The following GRIA4 variants were observed in gnomAD, a reference collection of about 807,000 sequenced individuals.
GRIA4 encodes the protein glutamate receptor 4.
In GRIA4, 34 loss-of-function variants were observed where a neutral mutation model predicts 104.0. That is an observed-to-expected ratio of 0.33 (90% CI 0.25 to 0.44). The LOEUF (loss-of-function observed/expected upper bound fraction) is 0.44, where lower values mean the gene tolerates loss of function less well. Among genes scored for constraint, GRIA4 ranks in the 20% least tolerant of loss-of-function variants. The pLI is 1.00. For synonymous variants in GRIA4, 386 were observed against 381.9 expected, an observed-to-expected ratio of 1.01 and a Z score of -0.13; for missense variants, 750 against 1,096.5, an observed-to-expected ratio of 0.68 and a Z score of 4.46.
chr11:105,646,199 G>C (rs1951522398), intron 3 of GRIA4, among the ~76,000 whole-genome samples: 1 of 152,164 alleles, frequency 6.6e-6, no homozygotes, highest in African/African-American at 2.4e-5. Flanking sequence ...TCTAAAAGTA[G>C]TACTAGAAAA....
intron 5 of GRIA4, among the ~76,000 whole-genome samples, chr11:105,876,742 C>CT (rs950068481): frequency 7.2e-5 from 11 of 151,918 alleles, no homozygotes; most frequent in South Asian, 2.1e-4. Context: ...GCAACCCCTG[C>CT]TTTTTTTTGC....
At chr11:105,645,762 T>C (rs1312746791) in intron 3 of GRIA4, among the ~76,000 whole-genome samples, 8 of 152,078 alleles carry the variant, frequency 5.3e-5, no homozygotes, top group Admixed American at 4.6e-4. Flanking sequence ...TAATGACAGA[T>C]AAGATATTAT....
intron 3 of GRIA4, among the ~76,000 whole-genome samples, chr11:105,685,348 A>G (rs1027406082): frequency 1.3e-5 from 2 of 152,214 alleles, no homozygotes; most frequent in Non-Finnish European, 2.9e-5. Flanking sequence ...TCAAAATAAA[A>G]TACAAACTTT....
At chr11:105,678,190 A>G (rs1952601785) in intron 3 of GRIA4, among the ~76,000 whole-genome samples, 1 of 152,092 alleles carries the variant, frequency 6.6e-6, no homozygotes, top group African/African-American at 2.4e-5. Flanking sequence ...AGTTATATTT[A>G]AGCCAAGATT....
At chr11:105,628,576 G>A (rs1323802456) in intron 3 of GRIA4, among the ~76,000 whole-genome samples, 1 of 152,096 alleles carries the variant, frequency 6.6e-6, no homozygotes, top group Non-Finnish European at 1.5e-5. Flanking sequence ...GAAGAAGAAC[G>A]TGTTTGCTTC....
intron 3 of GRIA4, among the ~76,000 whole-genome samples, chr11:105,734,777 G>C (rs1938828737): frequency 6.6e-6 from 1 of 152,132 alleles, no homozygotes; most frequent in Non-Finnish European, 1.5e-5. Context: ...CTAGTTATCA[G>C]TCAATTTAAG....
intron 4 of GRIA4, among the ~76,000 whole-genome samples, chr11:105,794,192 G>A (rs192471579): frequency 2.3e-4 from 35 of 151,636 alleles, no homozygotes; most frequent in African/African-American, 5.6e-4. Flanking sequence ...TCCAATGGCC[G>A]ATTAAAAACT....
chr11:105,975,659 A>G (rs2136292464), intron 16 of GRIA4, among the ~76,000 whole-genome samples: 1 of 152,216 alleles, frequency 6.6e-6, no homozygotes, highest in South Asian at 2.1e-4. Flanking sequence ...GAGTCTTTGA[A>G]CTTCCAAGAG....
rs1947001822 is a variant in GRIA4 at position 105,905,241 on chromosome 11, T to C, written c.1098T>C (p.Tyr366=). The change falls in exon 9 of 17, where the codon TAT becomes TAC. Residue 366 remains tyrosine (Y), a synonymous_variant. Transcript: ENST00000282499. ...GLTGNVQFDH[Y]GRRVNYTMDV... The stretch of plus-strand genomic sequence containing the variant: ...CAGGGAATGTTCAGTTTGACCACTA[T>C]GGACGTAGAGTCAATTACACAATGG... 1.2e-6 allele frequency: 2 copies of C among 1,611,262 alleles called. No homozygotes were observed. Among genetic ancestry groups the C allele is most frequent in the Non-Finnish European group, 1.7e-6 (2 of 1,177,458 alleles).
chr11:105,791,722 T>C (rs1008181664), intron 4 of GRIA4, among the ~76,000 whole-genome samples: 3 of 152,190 alleles, frequency 2.0e-5, no homozygotes, highest in African/African-American at 2.4e-5. Flanking sequence ...GAATTTCTCA[T>C]CATAAGATAG....
At chr11:105,849,483 C>T (rs1192439308) in intron 4 of GRIA4, among the ~76,000 whole-genome samples, 1 of 152,128 alleles carries the variant, frequency 6.6e-6, no homozygotes, top group Non-Finnish European at 1.5e-5. Flanking sequence ...TACAAGTTTG[C>T]CTTTTGTAAA....
At chr11:105,895,638 A>G (rs976432906) in intron 6 of GRIA4, among the ~76,000 whole-genome samples, 1 of 151,838 alleles carries the variant, frequency 6.6e-6, no homozygotes, top group East Asian at 1.9e-4. Flanking sequence ...AGGGAGAGAG[A>G]GAGAGAGAGA....
At position 105,668,724 on chromosome 11, in the gene GRIA4, G is replaced by A. The variant is rs114380236; in HGVS notation, c.247+56290G>A. Reference sequence around the variant, plus strand: ...GAGTGTCGCTCTGTTGCCCAGGCTGGCGTGCAGTGGGCTTGCAAATAGTTT... The same window carrying A: ...GAGTGTCGCTCTGTTGCCCAGGCTGACGTGCAGTGGGCTTGCAAATAGTTT... On this transcript the variant is annotated intron_variant, in intron 3 of 16. Coordinates refer to ENST00000282499, the MANE Select transcript of GRIA4 (RefSeq NM_000829.4). Among the ~76,000 whole-genome samples, 665 of 145,242 alleles carry A rather than the reference G, an allele frequency of 4.6e-3. 14 individuals carry two copies. Among genetic ancestry groups the A allele is most frequent in the African/African-American group, 0.016 (619 of 39,056 alleles).
At chr11:105,695,478 CTG>C (rs368292284) in intron 3 of GRIA4, among the ~76,000 whole-genome samples, 70,608 of 134,868 alleles carry the variant, frequency 0.52, 17,100 homozygotes, top group Admixed American at 0.63. Flanking sequence ...GTGTGTGTGT[CTG>C]TGTGTGTGTG....
intron 3 of GRIA4, among the ~76,000 whole-genome samples, chr11:105,681,219 A>G (rs948767978): frequency 6.6e-6 from 1 of 152,226 alleles, no homozygotes; most frequent in African/African-American, 2.4e-5. Context: ...GGAGAAAACA[A>G]TAGTTTTGCA....
chr11:105,651,352 C>A (rs1044459305), intron 3 of GRIA4, among the ~76,000 whole-genome samples: 20 of 120,752 alleles, frequency 1.7e-4, no homozygotes, highest in Admixed American at 1.6e-3. Flanking sequence ...ATCTGTGATT[C>A]CCAAACCTGC....
At chr11:105,880,653 G>C (rs1002817110) in intron 5 of GRIA4, among the ~76,000 whole-genome samples, 1 of 151,964 alleles carries the variant, frequency 6.6e-6, no homozygotes, top group Non-Finnish European at 1.5e-5. Context: ...TACTAAGAAT[G>C]GATATTCACA....
intron 3 of GRIA4, among the ~76,000 whole-genome samples, chr11:105,752,194 G>A (rs1016999283): frequency 7.2e-5 from 11 of 152,218 alleles, no homozygotes; most frequent in African/African-American, 2.2e-4. Context: ...GCAACTGGGA[G>A]CATGGACCAA....
At chr11:105,723,096 G>A (rs917141551) in intron 3 of GRIA4, among the ~76,000 whole-genome samples, 25 of 152,094 alleles carry the variant, frequency 1.6e-4, no homozygotes, top group East Asian at 1.4e-3. Flanking sequence ...GAAGTAGACC[G>A]CTGGCTAAAA....
Sources: gnomAD v4.1 joint callset for allele counts (sites outside exome capture counted in the v4.1 genomes callset) on GRCh38, gnomAD v4.1.1 for gene constraint, MANE v1.5 for transcripts, NCBI Gene and HGNC (gene_info 2026-07-23, HGNC 2026-07-21) for gene names.